CILK1: variants seen among roughly 807,000 people sequenced by gnomAD.
The protein encoded by CILK1 is serine/threonine-protein kinase ICK.
Under a neutral mutation model 79.2 loss-of-function variants are expected in CILK1, and 47 were observed. That is an observed-to-expected ratio of 0.59 (90% CI 0.47 to 0.76). The LOEUF (loss-of-function observed/expected upper bound fraction) is 0.76. Among genes scored for constraint, CILK1 ranks in the 30% least tolerant of loss-of-function variants. The pLI is 0.00. For missense variants in CILK1, 660 were observed against 769.5 expected, an observed-to-expected ratio of 0.86 and a Z score of 1.68; for synonymous variants, 266 against 275.9, an observed-to-expected ratio of 0.96 and a Z score of 0.36.
At chr6:53,015,918 T>C (rs1018498230) in intron 8 of CILK1, 165 bp downstream of exon 8, 1 of 694,904 alleles carries the variant, frequency 1.4e-6, no homozygotes, top group African/African-American at 1.8e-5. Flanking sequence ...TTATACCCAG[T>C]AAGTTTCAAA....
rs1428949594 is a variant in CILK1 at position 53,022,432 on chromosome 6, A to G, written c.359-3073T>C. On this transcript the variant is annotated intron_variant, in intron 5 of 13. Coordinates refer to ENST00000676107, the MANE Select transcript of CILK1 (RefSeq NM_014920.5). ...ACTTACCATTGTGTTACAATTGCCTATAGTATTCAGTACAGTAACATGCTG... is the reference window on the plus strand; with the variant it reads ...ACTTACCATTGTGTTACAATTGCCTGTAGTATTCAGTACAGTAACATGCTG... 3.3e-5 allele frequency among the ~76,000 whole-genome samples: 5 copies of G among 152,220 alleles called. No individual in the cohort carries two copies. In the East Asian group the frequency reaches 7.7e-4, roughly 23 times the overall value.
intron 1 of CILK1, among the ~76,000 whole-genome samples, chr6:53,044,511 G>T (rs1766928994): frequency 6.6e-6 from 1 of 152,178 alleles, no homozygotes; most frequent in South Asian, 2.1e-4. Flanking sequence ...GGGTTTACAG[G>T]TAAAGGGCCA....
intron 3 of CILK1, among the ~76,000 whole-genome samples, chr6:53,033,793 G>C (rs973904348): frequency 6.6e-5 from 10 of 152,280 alleles, no homozygotes; most frequent in African/African-American, 2.4e-4. Context: ...CAAAGCTTGG[G>C]AATGTGTAAT....
chr6:53,059,510 CT>C (rs1768235459), intron 1 of CILK1, among the ~76,000 whole-genome samples: 1 of 152,194 alleles, frequency 6.6e-6, no homozygotes, highest in Admixed American at 6.5e-5. Flanking sequence ...TTAGGCTCCT[CT>C]GAGGACAGGT....
chr6:53,033,613 T>C (rs1418411514), intron 3 of CILK1, among the ~76,000 whole-genome samples: 1 of 152,170 alleles, frequency 6.6e-6, no homozygotes, highest in Non-Finnish European at 1.5e-5. Context: ...ATCCTTTAAT[T>C]AAAATAGCCC....
chr6:53,060,970 G>A (rs1198013366), intron 1 of CILK1: 1 of 152,210 alleles, frequency 6.6e-6, no homozygotes, highest in Non-Finnish European at 1.5e-5. Flanking sequence ...AAAATTCAGT[G>A]TGGAATTCCC....
intron 12 of CILK1, among the ~76,000 whole-genome samples, chr6:53,008,671 C>T (rs920191106): frequency 4.6e-5 from 7 of 152,120 alleles, no homozygotes; most frequent in Non-Finnish European, 1.0e-4. Context: ...AGTGATTCAC[C>T]TGCCTCAGCC....
chr6:53,022,261 GACCTTCA>G, intron 5 of CILK1, among the ~76,000 whole-genome samples: 1 of 152,260 alleles, frequency 6.6e-6, no homozygotes, highest in East Asian at 1.9e-4. Context: ...AAGTGTCCTA[GACCTTCA>G]TACTCACTCA....
At chr6:53,037,391 A>ATGTGCC (rs138176348) in intron 3 of CILK1, among the ~76,000 whole-genome samples, 107,569 of 151,924 alleles carry the variant, frequency 0.71, 38,585 homozygotes, top group East Asian at 0.87. Context: ...GGCACAAAAG[A>ATGTGCC]AGGACCTCAG....
intron 5 of CILK1, among the ~76,000 whole-genome samples, chr6:53,029,672 G>A (rs1765802142): frequency 1.3e-5 from 2 of 152,128 alleles, no homozygotes; most frequent in South Asian, 2.1e-4. Context: ...CAGGAGGATC[G>A]CTAGAGCCCA....
intron 9 of CILK1, 116 bp from the exon 10 acceptor site, chr6:53,012,343 T>C (rs1051832945): frequency 3.4e-6 from 3 of 889,728 alleles, no homozygotes; most frequent in East Asian, 2.6e-5. Flanking sequence ...GGGCATAACA[T>C]TGCTTATCTG....
At position 53,019,237 on chromosome 6, in the gene CILK1, A is replaced by G. The variant is rs1765073393; in HGVS notation, c.481T>C (p.Ser161Pro). ...AAAAATGGTATTCACCATCTGGTAG[A>G]TACATAATCTGTATATGGAGGTTTT... The part of the protein sequence containing the change: ...RSKPPYTDYV[S>P]TRWYRAPEVL... The change falls in exon 6 of 14, where the codon TCT becomes CCT. Residue 161 changes from serine to proline, a missense_variant. By Grantham distance (74) the Ser-to-Pro change is moderately conservative. Coordinates refer to ENST00000676107, the MANE Select transcript of CILK1 (RefSeq NM_014920.5). The G allele has an allele frequency of 1.2e-6, 2 of 1,613,762 alleles. No individual in the cohort carries two copies. The highest frequency in any genetic ancestry group is 8.5e-7 in the Non-Finnish European group (1 of 1,179,742).
intron 5 of CILK1, among the ~76,000 whole-genome samples, chr6:53,023,376 G>T (rs142590986): frequency 1.3e-3 from 204 of 152,268 alleles, no homozygotes; most frequent in Middle Eastern, 6.8e-3. Context: ...CGTCTGTAGG[G>T]AACATTAAAC....
chr6:53,046,524 T>C (rs867429377), intron 1 of CILK1, among the ~76,000 whole-genome samples: 26 of 152,178 alleles, frequency 1.7e-4, no homozygotes, highest in South Asian at 2.1e-4. Flanking sequence ...CTCCTTGTTA[T>C]AGTCTGTCAT....
At position 53,001,772 on chromosome 6, in the gene CILK1, T is replaced by A. The variant is rs372645093; in HGVS notation, c.*3377A>T. ...TATATTATGTTGCTACAGTATGGTTTAAATGATATAAAATAATTAGTATGT... is the reference window on the plus strand; with the variant it reads ...TATATTATGTTGCTACAGTATGGTTAAAATGATATAAAATAATTAGTATGT... On this transcript the variant is annotated 3_prime_UTR_variant, in exon 14 of 14. Coordinates refer to ENST00000676107, the MANE Select transcript of CILK1 (RefSeq NM_014920.5). 1 of 152,684 alleles carries A rather than the reference T, an allele frequency of 6.5e-6. No individual in the cohort carries two copies. The highest frequency in any genetic ancestry group is 2.4e-5 in the African/African-American group (1 of 41,460). 9.5% of individuals were successfully genotyped at this position (152,684 alleles called of 1,614,324 possible). A position where few individuals can be genotyped will look rare whatever the true frequency, so the allele number is the denominator to read the frequency against.
At position 53,011,821 on chromosome 6, in the gene CILK1, G is replaced by A. The variant is rs774942670; in HGVS notation, c.1440C>T (p.Thr480=). The A allele has an allele frequency of 6.8e-6, 11 of 1,614,134 alleles. No homozygotes were observed. The highest frequency in any genetic ancestry group is 3.3e-5 in the Admixed American group (2 of 60,016). ...QTSYQRRDTP[T]LRSAAKQHYL... is the part of the protein sequence containing the mutation. ...AGTGCTGCTTGGCTGCAGATCTCAGGGTGGGCGTGTCTCGCCGCTGATATG... is the reference window on the plus strand; with the variant it reads ...AGTGCTGCTTGGCTGCAGATCTCAGAGTGGGCGTGTCTCGCCGCTGATATG... The change falls in exon 11 of 14, where the codon ACC becomes ACT. Residue 480 remains threonine, a synonymous_variant. Coordinates refer to ENST00000676107, the MANE Select transcript of CILK1 (RefSeq NM_014920.5).
intron 13 of CILK1, 63 bp downstream of exon 13, chr6:53,006,252 C>T: frequency 6.5e-7 from 1 of 1,529,470 alleles, no homozygotes; most frequent in African/African-American, 1.4e-5. Flanking sequence ...ATGCCTGGCA[C>T]AAAGCAGTTG....
At chr6:53,024,559 G>A (rs1765449905) in intron 5 of CILK1, among the ~76,000 whole-genome samples, 1 of 152,194 alleles carries the variant, frequency 6.6e-6, no homozygotes, top group Admixed American at 6.5e-5. Flanking sequence ...AAGGATACAA[G>A]CAGTGATTAC....
At chr6:53,058,850 G>A (rs747721380) in intron 1 of CILK1, among the ~76,000 whole-genome samples, 9 of 151,858 alleles carry the variant, frequency 5.9e-5, no homozygotes, top group African/African-American at 1.5e-4. Flanking sequence ...TCAATAGAAC[G>A]GCTAGGTACC....
Sources: allele counts gnomAD v4.1 joint callset (sites outside exome capture counted in the v4.1 genomes callset), GRCh38; gene constraint gnomAD v4.1.1; transcripts MANE v1.5; gene names NCBI Gene and HGNC (gene_info 2026-07-23, HGNC 2026-07-21).